Variants in NKAIN2 observed in about 807,000 individuals in gnomAD.
NKAIN2 encodes the protein sodium/potassium transporting ATPase interacting 2.
NKAIN2 carries 14 observed loss-of-function variants against 32.6 expected under a neutral mutation model. That is an observed-to-expected ratio of 0.43 (90% CI 0.28 to 0.67). NKAIN2 has a LOEUF of 0.67. Ranked by LOEUF, NKAIN2 falls within the 30% of genes least tolerant of loss-of-function variation. The pLI is 0.17. For missense variants in NKAIN2, 198 were observed against 258.3 expected (o/e 0.77, Z 1.60); for synonymous variants, 80 against 87.2 (o/e 0.92, Z 0.46).
intron 1 of NKAIN2, among the ~76,000 whole-genome samples, chr6:124,040,003 C>G (rs1461467899): frequency 6.6e-6 from 1 of 151,940 alleles, no homozygotes; most frequent in African/African-American, 2.4e-5. Flanking sequence ...TAACACAGAA[C>G]AAGTGTGTGC....
At chr6:124,202,743 A>T (rs780562645) in intron 1 of NKAIN2, among the ~76,000 whole-genome samples, 2 of 151,958 alleles carry the variant, frequency 1.3e-5, no homozygotes, top group African/African-American at 4.8e-5. Context: ...AAAATGCCTG[A>T]TGATGCCTTT....
At chr6:124,783,734 A>G (rs1779377984) in intron 4 of NKAIN2, among the ~76,000 whole-genome samples, 1 of 152,190 alleles carries the variant, frequency 6.6e-6, no homozygotes, top group Non-Finnish European at 1.5e-5. Flanking sequence ...ATATAATCAC[A>G]TTTGAATCCT....
chr6:123,875,264 A>C (rs1773119457), intron 1 of NKAIN2, among the ~76,000 whole-genome samples: 3 of 151,926 alleles, frequency 2.0e-5, no homozygotes, highest in African/African-American at 7.2e-5. Context: ...TATTTGGTTA[A>C]AACGTATGAA....
chr6:124,445,244 G>A (rs1775841160), intron 3 of NKAIN2, among the ~76,000 whole-genome samples: 1 of 152,012 alleles, frequency 6.6e-6, no homozygotes, highest in South Asian at 2.1e-4. Flanking sequence ...AGAAGGTGGA[G>A]GAAAAGTATA....
intron 3 of NKAIN2, among the ~76,000 whole-genome samples, chr6:124,358,953 G>GCA (rs1799131961): frequency 6.6e-6 from 1 of 151,060 alleles, no homozygotes; most frequent in African/African-American, 2.4e-5. Flanking sequence ...TTTTGTATAA[G>GCA]GTGTAAGGAA....
At chr6:124,370,287 G>A (rs930909656) in intron 3 of NKAIN2, among the ~76,000 whole-genome samples, 2 of 151,640 alleles carry the variant, frequency 1.3e-5, no homozygotes, top group Non-Finnish European at 2.9e-5. Flanking sequence ...TTTCAGCGTA[G>A]CACTTAGAGT....
intron 4 of NKAIN2, among the ~76,000 whole-genome samples, chr6:124,722,459 G>T (rs1420877281): frequency 1.3e-5 from 2 of 152,184 alleles, no homozygotes; most frequent in Admixed American, 6.5e-5. Flanking sequence ...CAGACCTGGG[G>T]TAAGGGAAAG....
chr6:123,924,727 C>G (rs1562260700), intron 1 of NKAIN2, among the ~76,000 whole-genome samples: 1 of 152,024 alleles, frequency 6.6e-6, no homozygotes. Context: ...AAAATTCTTC[C>G]TAGCCCTAAA....
intron 2 of NKAIN2, among the ~76,000 whole-genome samples, chr6:124,347,836 G>A (rs945211705): frequency 2.0e-5 from 3 of 152,302 alleles, no homozygotes; most frequent in South Asian, 2.1e-4. Flanking sequence ...CTCTGCACTC[G>A]TCAAAGTCAT....
chr6:124,389,715 TTGTGTGTGTGTGTGTG>T (rs3052704), intron 3 of NKAIN2, among the ~76,000 whole-genome samples: 33 of 142,006 alleles, frequency 2.3e-4, no homozygotes, highest in African/African-American at 7.9e-4. Context: ...CTGTGTACAT[TTGTGTGTGTGTGTGTG>T]TGTGTGTGTG....
At chr6:124,334,238 A>G (rs1437542205) in intron 2 of NKAIN2, among the ~76,000 whole-genome samples, 1 of 152,212 alleles carries the variant, frequency 6.6e-6, no homozygotes, top group East Asian at 1.9e-4. Flanking sequence ...CTTGAGCCCA[A>G]AATACCAGTA....
chr6:124,028,889 A>G (rs62435610), intron 1 of NKAIN2, among the ~76,000 whole-genome samples: 93 of 33,834 alleles, frequency 2.7e-3, no homozygotes, highest in Middle Eastern at 0.018. Flanking sequence ...ATATATGTGT[A>G]TATATATATA....
rs994273130 is a variant in NKAIN2, at chr6:124,609,888, C to T, written c.274-48298C>T. Among the ~76,000 whole-genome samples the T allele has an allele frequency of 3.9e-5, 6 of 152,192 alleles. No homozygotes were observed. The South Asian group carries it at 1.0e-3, about 26-fold the overall frequency. ...CTTTTCTAGCTGTGTAAGCTTGTGT[C>T]TCCTTTCCTTTGTCTTTGCAATAGA... On this transcript the variant is annotated intron_variant, in intron 3 of 6. Coordinates refer to ENST00000368417, the MANE Select transcript of NKAIN2 (RefSeq NM_001040214.3).
intron 1 of NKAIN2, among the ~76,000 whole-genome samples, chr6:123,923,888 G>A (rs895262467): frequency 2.0e-5 from 3 of 150,652 alleles, no homozygotes; most frequent in African/African-American, 7.3e-5. Context: ...ACATGTATAT[G>A]TATGTAACTA....
intron 1 of NKAIN2, among the ~76,000 whole-genome samples, chr6:124,055,627 T>G (rs1782607249): frequency 6.6e-6 from 1 of 151,932 alleles, no homozygotes; most frequent in South Asian, 2.1e-4. Context: ...AATTCCTGAT[T>G]ATTGGGTAAT....
At position 124,726,409 on chromosome 6, in the gene NKAIN2, T is replaced by C. The variant is rs371684327; in HGVS notation, c.475-64930T>C. The stretch of plus-strand genomic sequence containing the variant: ...AAGTGGGTCCCTGACCCATGACCCC[T>C]GAGCAGCCTAACTGGGAGGCACCCC... On this transcript the variant is annotated intron_variant, in intron 4 of 6. Transcript: ENST00000368417. Among the ~76,000 whole-genome samples, 586 of 151,752 alleles carry C rather than the reference T, an allele frequency of 3.9e-3. 1 individual carries two copies. The highest frequency in any genetic ancestry group is 4.1e-3 in the Non-Finnish European group (281 of 67,862).
intron 1 of NKAIN2, among the ~76,000 whole-genome samples, chr6:124,052,682 T>C (rs977387489): frequency 1.3e-5 from 2 of 152,110 alleles, no homozygotes; most frequent in African/African-American, 4.8e-5. Flanking sequence ...CTATGGGGGA[T>C]GGCAGAATAT....
intron 3 of NKAIN2, among the ~76,000 whole-genome samples, chr6:124,448,114 C>A (rs1033131887): frequency 7.2e-5 from 11 of 152,066 alleles, no homozygotes; most frequent in African/African-American, 2.7e-4. Context: ...TGGCGCTATG[C>A]ATATTACTTA....
chr6:123,940,344 ATATGTG>A (rs911847079), intron 1 of NKAIN2, among the ~76,000 whole-genome samples: 6 of 151,376 alleles, frequency 4.0e-5, no homozygotes, highest in Admixed American at 1.3e-4. Context: ...GTATATATAT[ATATGTG>A]TATGTGTATG....
Sources: gnomAD v4.1 joint callset for allele counts (sites outside exome capture counted in the v4.1 genomes callset) on GRCh38, gnomAD v4.1.1 for gene constraint, MANE v1.5 for transcripts, NCBI Gene and HGNC (gene_info 2026-07-23, HGNC 2026-07-21) for gene names.